CSTPP1: variants seen among roughly 807,000 people sequenced by gnomAD.
The protein encoded by CSTPP1 is centriolar satellite-associated tubulin polyglutamylase complex regulator 1, also known as UPF0705 protein C11orf49.
the CSTPP1 span, among the ~76,000 whole-genome samples, chr11:47,054,035 C>CA: frequency 6.6e-6 from 1 of 150,966 alleles, no homozygotes; most frequent in Admixed American, 6.6e-5. Context: ...TGCAGCCGGG[C>CA]ACGGTGACTC....
chr11:47,132,963 A>G, the CSTPP1 span, among the ~76,000 whole-genome samples: 10,267 of 152,304 alleles, frequency 0.067, 410 homozygotes, highest in Non-Finnish European at 0.09. Flanking sequence ...GTACTAACAG[A>G]TGGCCCTTAC....
chr11:46,969,216 T>C, the CSTPP1 span, among the ~76,000 whole-genome samples: 2 of 152,216 alleles, frequency 1.3e-5, no homozygotes, highest in Non-Finnish European at 2.9e-5. Flanking sequence ...TCTGTCCTTA[T>C]GTGTAAGGCA....
chr11:47,012,168 G>A, the CSTPP1 span, among the ~76,000 whole-genome samples: 1 of 151,834 alleles, frequency 6.6e-6, no homozygotes, highest in Non-Finnish European at 1.5e-5. Context: ...AGCTACTCAG[G>A]GGGCTGAGGC....
At chr11:47,147,432 C>A in the CSTPP1 span, among the ~76,000 whole-genome samples, 2 of 152,142 alleles carry the variant, frequency 1.3e-5, no homozygotes, top group Non-Finnish European at 2.9e-5. Context: ...ACAGGCCATA[C>A]ATTGGGTTTG....
chr11:46,963,286 T>C, the CSTPP1 span, among the ~76,000 whole-genome samples: 1 of 151,882 alleles, frequency 6.6e-6, no homozygotes, highest in Middle Eastern at 3.2e-3. Flanking sequence ...GTTGAGGAAG[T>C]TCCCTTTTAT....
chr11:46,936,760 T>C, the CSTPP1 span: 1 of 1,606,162 alleles, frequency 6.2e-7, no homozygotes, highest in East Asian at 2.3e-5. Flanking sequence ...CAACCTGGGT[T>C]CCGGAAGCCG....
At chr11:47,104,731 T>C in the CSTPP1 span, among the ~76,000 whole-genome samples, 1 of 152,222 alleles carries the variant, frequency 6.6e-6, no homozygotes, top group Non-Finnish European at 1.5e-5. Context: ...CCAATGGCTC[T>C]AATCACAAGA....
chr11:47,157,669 G>A, the CSTPP1 span: 2 of 587,864 alleles, frequency 3.4e-6, no homozygotes, highest in East Asian at 3.4e-5. Context: ...CCTGACCATA[G>A]TGAAGGCCTG....
the CSTPP1 span, among the ~76,000 whole-genome samples, chr11:47,153,041 G>A: frequency 6.6e-6 from 1 of 152,200 alleles, no homozygotes; most frequent in Non-Finnish European, 1.5e-5. Context: ...TCCCGGGGGA[G>A]CTCACTCTTC....
At chr11:46,973,093 C>T in the CSTPP1 span, among the ~76,000 whole-genome samples, 1 of 152,092 alleles carries the variant, frequency 6.6e-6, no homozygotes, top group East Asian at 1.9e-4. Context: ...TGAAAGTATT[C>T]GGTAAACTTT....
the CSTPP1 span, among the ~76,000 whole-genome samples, chr11:46,938,696 G>A: frequency 1.3e-5 from 2 of 150,946 alleles, no homozygotes; most frequent in African/African-American, 4.9e-5. Context: ...GTCTTTCTGT[G>A]GCATGATAAC....
At chr11:47,002,118 C>G in the CSTPP1 span, among the ~76,000 whole-genome samples, 2 of 151,086 alleles carry the variant, frequency 1.3e-5, no homozygotes, top group Non-Finnish European at 2.9e-5. Flanking sequence ...CAGTTCTTAG[C>G]TGTTAAACAT....
At chr11:47,164,351 C>T in the CSTPP1 span, 4 of 1,296,250 alleles carry the variant, frequency 3.1e-6, no homozygotes, top group South Asian at 1.6e-5. Flanking sequence ...TATTTTGACA[C>T]CACTTTGTTT....
the CSTPP1 span, among the ~76,000 whole-genome samples, chr11:46,991,238 T>G: frequency 6.6e-6 from 1 of 150,960 alleles, no homozygotes; most frequent in African/African-American, 2.4e-5. Flanking sequence ...AGAGGCTCCT[T>G]GGAGATCAGA....
chr11:47,094,237 T>C, the CSTPP1 span, among the ~76,000 whole-genome samples: 1 of 152,352 alleles, frequency 6.6e-6, no homozygotes, highest in Middle Eastern at 3.4e-3. Context: ...CTCCTATGGC[T>C]ATTTAAATTT....
At chr11:46,939,392 A>G in the CSTPP1 span, among the ~76,000 whole-genome samples, 1 of 152,086 alleles carries the variant, frequency 6.6e-6, no homozygotes, top group East Asian at 1.9e-4. Flanking sequence ...CCCAGCCAAC[A>G]TCTTTTTAAA....
the CSTPP1 span, chr11:47,164,196 G>C: frequency 6.2e-6 from 10 of 1,614,036 alleles, no homozygotes; most frequent in Non-Finnish European, 8.5e-6. Flanking sequence ...CCTGGAGAGA[G>C]TGTCCTCAGC....
At chr11:47,161,097 T>TGA in the CSTPP1 span, 1 of 1,613,890 alleles carries the variant, frequency 6.2e-7, no homozygotes, top group Non-Finnish European at 8.5e-7. Flanking sequence ...GGCCCTCAGA[T>TGA]TAACTACTGT....
At chr11:47,033,145 G>A in the CSTPP1 span, among the ~76,000 whole-genome samples, 2 of 152,164 alleles carry the variant, frequency 1.3e-5, no homozygotes, top group African/African-American at 2.4e-5. Flanking sequence ...TGTCTTAAGC[G>A]TGGCAGGGAA....
Sources: gnomAD v4.1 joint callset for allele counts (sites outside exome capture counted in the v4.1 genomes callset) on GRCh38, gnomAD v4.1.1 for gene constraint, MANE v1.5 for transcripts, NCBI Gene and HGNC (gene_info 2026-07-23, HGNC 2026-07-21) for gene names.